Variants in NUP153 observed in about 807,000 individuals in gnomAD.
NUP153 encodes nuclear pore complex protein Nup153.
In NUP153, 27 loss-of-function variants were observed where a neutral mutation model predicts 134.6. The ratio of observed to expected loss-of-function variants is 0.20; its 90% CI spans 0.15 to 0.28. The LOEUF (loss-of-function observed/expected upper bound fraction) is 0.28, where lower values mean the gene tolerates loss of function less well. NUP153 is among the 10% of genes least tolerant of loss of function. The probability of loss-of-function intolerance (pLI) is 1.00; values close to 1 mark genes in which losing one functional copy is unlikely to be tolerated. For synonymous variants in NUP153, 640 were observed against 623.5 expected (o/e 1.03, Z -0.40); for missense variants, 1,821 against 1,731.3 (o/e 1.05, Z -0.92).
At chr6:17,681,229 T>C (rs755345167) in intron 2 of NUP153, among the ~76,000 whole-genome samples, 68 of 148,220 alleles carry the variant, frequency 4.6e-4, no homozygotes, top group Non-Finnish European at 8.6e-4. Context: ...AAAAACGGAC[T>C]CAAAAGAACT....
rs748132748 is a variant in NUP153, at chr6:17,646,128, A to T, written c.1659T>A (p.Val553=). Reference sequence around the variant, plus strand: ...AACCAGAAAGTTCTGCTGTTTTTGCAACAGGCACACTAAATGTAAATCCAA... The same window carrying T: ...AACCAGAAAGTTCTGCTGTTTTTGCTACAGGCACACTAAATGTAAATCCAA... The part of the protein sequence containing the change: ...SSIGFTFSVP[V]AKTAELSGSS... Residue 553 remains valine, a synonymous_variant, in exon 14 of 22, where the codon GTT becomes GTA. Transcript: ENST00000262077. The T allele has an allele frequency of 1.3e-6, 2 of 1,596,964 alleles. No individual in the cohort carries two copies. Among genetic ancestry groups the T allele is most frequent in the Non-Finnish European group, 1.7e-6 (2 of 1,164,954 alleles).
chr6:17,706,187 TC>T lies in NUP153; in HGVS notation c.111+89del. ...CCTTTCCTCAGGCCCTCCTGTCTGC[TC>T]CACGTGGGGCGCCGGGGCCTCGAAC... On this transcript the variant is annotated intron_variant, in intron 1 of 21. Coordinates refer to ENST00000262077, the MANE Select transcript of NUP153 (RefSeq NM_005124.4). This position sits in a 1 kb window ranked among gnomAD's most constrained non-coding sequence, Gnocchi z 5.9. The T allele has an allele frequency of 1.9e-6, 2 of 1,054,574 alleles. No individual in the cohort carries two copies. Among genetic ancestry groups the T allele is most frequent in the South Asian group, 1.3e-5 (1 of 77,494 alleles). The allele number at this position is 1,054,574 out of a possible 1,614,324, so 65.3% of individuals were successfully genotyped here.
intron 14 of NUP153, 77 bp downstream of exon 14, chr6:17,645,990 A>C (rs1191508913): frequency 3.7e-6 from 2 of 543,872 alleles, no homozygotes; most frequent in Non-Finnish European, 6.5e-6. Context: ...AAGAATTACC[A>C]AAGGTGAAAG....
intron 1 of NUP153, among the ~76,000 whole-genome samples, chr6:17,704,759 C>CTT (rs368556628): frequency 6.9e-6 from 1 of 145,586 alleles, no homozygotes; most frequent in Admixed American, 6.9e-5. Context: ...CAAATCTTTA[C>CTT]TTTTTTTTTT....
chr6:17,629,664 T>C, intron 17 of NUP153, 125 bp from the exon 18 acceptor site: 1 of 743,026 alleles, frequency 1.3e-6, no homozygotes, highest in Non-Finnish European at 2.1e-6. Flanking sequence ...TGAAGAGTAT[T>C]ACCAGCAGCT....
chr6:17,685,465 T>C (rs966895199), intron 2 of NUP153, among the ~76,000 whole-genome samples: 1 of 149,806 alleles, frequency 6.7e-6, no homozygotes, highest in Non-Finnish European at 1.5e-5. Context: ...AGGAGAATGG[T>C]GTGAACCCAG....
At chr6:17,702,489 C>T (rs1770181725) in intron 1 of NUP153, among the ~76,000 whole-genome samples, 1 of 151,936 alleles carries the variant, frequency 6.6e-6, no homozygotes, top group Non-Finnish European at 1.5e-5. Context: ...GCCTGGGTGA[C>T]AGAGCGAGAC....
intron 14 of NUP153, among the ~76,000 whole-genome samples, chr6:17,641,582 G>A (rs116024316): frequency 0.02 from 2,973 of 152,020 alleles, 98 homozygotes; most frequent in African/African-American, 0.067. Flanking sequence ...GCCAGGCAGC[G>A]GTGGCTCACG....
rs537847601 is a variant in NUP153 at position 17,706,159 on chromosome 6, G to C, written c.111+118C>G. The C allele has an allele frequency of 8.8e-6, 7 of 793,878 alleles. No individual in the cohort carries two copies. Among genetic ancestry groups the C allele is most frequent in the South Asian group, 1.5e-5 (1 of 66,048 alleles). The allele number at this position is 793,878 out of a possible 1,614,324, so 49.2% of individuals were successfully genotyped here. A position where few individuals can be genotyped will look rare whatever the true frequency, so the allele number is the denominator to read the frequency against. ...CCTGAGCTCCCCCGGAGCCTCACTC[G>C]GGCCTTTCCTCAGGCCCTCCTGTCT... On this transcript the variant is annotated intron_variant, in intron 1 of 21. Coordinates refer to ENST00000262077, the MANE Select transcript of NUP153 (RefSeq NM_005124.4). This position sits in a 1 kb window ranked among gnomAD's most constrained non-coding sequence, Gnocchi z 5.9.
At chr6:17,635,512 C>A in intron 16 of NUP153, among the ~76,000 whole-genome samples, 1 of 152,166 alleles carries the variant, frequency 6.6e-6, no homozygotes, top group East Asian at 1.9e-4. Context: ...AGCAATCCTC[C>A]CACTTTGGCC....
intron 20 of NUP153, among the ~76,000 whole-genome samples, chr6:17,618,108 T>C (rs529179305): frequency 2.0e-5 from 3 of 152,292 alleles, no homozygotes; most frequent in African/African-American, 7.2e-5. Context: ...TGCAGGAGAC[T>C]GGATGCATCT....
chr6:17,701,835 G>C (rs1355818569), intron 1 of NUP153, among the ~76,000 whole-genome samples: 3 of 99,908 alleles, frequency 3.0e-5, no homozygotes, highest in Admixed American at 1.0e-4. Context: ...TCTGTCTCGG[G>C]GGGGGGGGGA....
chr6:17,643,613 A>G (rs147934136), intron 14 of NUP153, among the ~76,000 whole-genome samples: 34 of 152,370 alleles, frequency 2.2e-4, no homozygotes, highest in Non-Finnish European at 2.5e-4. Flanking sequence ...GGATTCCCTA[A>G]AGTATGCTCA....
At chr6:17,649,011 T>C in intron 12 of NUP153, 152 bp downstream of exon 12, 1 of 706,272 alleles carries the variant, frequency 1.4e-6, no homozygotes, top group African/African-American at 1.8e-5. Context: ...GTACATTTTT[T>C]TAAAAAAGCA....
At chr6:17,650,799 A>G (rs1284813587) in intron 11 of NUP153, among the ~76,000 whole-genome samples, 2 of 152,198 alleles carry the variant, frequency 1.3e-5, no homozygotes, top group African/African-American at 2.4e-5. Context: ...TATAAAGCAA[A>G]AAGTACACAT....
rs770558878 is a variant in NUP153 at position 17,615,121 on chromosome 6, CT to C, written c.*975del. The stretch of plus-strand genomic sequence containing the variant: ...TAATAAACATGGCTTTAATATTAAA[CT>C]TTTCCTTATTATCCAAAGTCACCAC... On this transcript the variant is annotated 3_prime_UTR_variant, in exon 22 of 22. Coordinates refer to ENST00000262077, the MANE Select transcript of NUP153 (RefSeq NM_005124.4). The surrounding 1 kb of genome is among the most constrained non-coding windows in gnomAD (Gnocchi z 5.7). 1 of 152,506 alleles carries C rather than the reference CT, an allele frequency of 6.6e-6. No individual in the cohort carries two copies. The highest frequency in any genetic ancestry group is 1.5e-5 in the Non-Finnish European group (1 of 68,008). 9.4% of individuals were successfully genotyped at this position (152,506 alleles called of 1,614,324 possible).
intron 14 of NUP153, among the ~76,000 whole-genome samples, chr6:17,643,506 G>T (rs991914752): frequency 1.3e-5 from 2 of 152,050 alleles, no homozygotes; most frequent in African/African-American, 2.4e-5. Context: ...ACCACCACTC[G>T]TACAACTATG....
At chr6:17,663,012 T>A (rs1767286685) in intron 9 of NUP153, among the ~76,000 whole-genome samples, 1 of 152,144 alleles carries the variant, frequency 6.6e-6, no homozygotes, top group South Asian at 2.1e-4. Flanking sequence ...TAGAATTTCT[T>A]CTTTTAGGCC....
chr6:17,632,845 C>CAAAAA lies in NUP153; in HGVS notation c.2465-2_2465-1insTTTTT. On this transcript the variant is annotated splice_acceptor_variant, in intron 16 of 21. Transcript: ENST00000262077. LOFTEE classifies it high-confidence loss of function. Reference sequence around the variant, plus strand: ...CTACTTGAAGCAGGTACTGAACTTCCTAAAAAAAAAAAAAAAAACGGGGAG... The same window carrying CAAAAA: ...CTACTTGAAGCAGGTACTGAACTTCCAAAAATAAAAAAAAAAAAAAAAACGGGGAG... 6.0e-6 allele frequency: 6 copies of CAAAAA among 999,314 alleles called. No homozygotes were observed. Among genetic ancestry groups the CAAAAA allele is most frequent in the Admixed American group, 3.5e-5 (1 of 28,840 alleles). 61.9% of individuals were successfully genotyped at this position (999,314 alleles called of 1,614,324 possible).
Sources: allele counts gnomAD v4.1 joint callset (sites outside exome capture counted in the v4.1 genomes callset), GRCh38; gene constraint gnomAD v4.1.1; non-coding constraint Gnocchi (gnomAD v3.1); transcripts MANE v1.5; gene names NCBI Gene and HGNC (gene_info 2026-07-23, HGNC 2026-07-21).